Variants in CALB2 observed in about 807,000 individuals in gnomAD.
CALB2 encodes the protein calbindin 2, also known as calretinin.
A neutral mutation model predicts 45.9 loss-of-function variants in CALB2; 34 were observed. The observed-to-expected ratio is 0.74, with a 90% CI of 0.56 to 0.99. The LOEUF is 0.99. CALB2 is among the 50% of genes least tolerant of loss of function. The probability of loss-of-function intolerance (pLI) is 0.00; values close to 1 mark genes in which losing one functional copy is unlikely to be tolerated. For synonymous variants in CALB2, 142 were observed against 129.6 expected, an observed-to-expected ratio of 1.10 and a Z score of -0.65; for missense variants, 344 against 339.3, an observed-to-expected ratio of 1.01 and a Z score of -0.11.
chr16:71,376,992 A>G (rs530353389), intron 3 of CALB2, among the ~76,000 whole-genome samples: 1 of 152,296 alleles, frequency 6.6e-6, no homozygotes, highest in African/African-American at 2.4e-5. Context: ...CTGTAAGCCA[A>G]TCACTGGCAA....
At chr16:71,370,757 T>C (rs555036865) in intron 1 of CALB2, among the ~76,000 whole-genome samples, 1 of 152,194 alleles carries the variant, frequency 6.6e-6, no homozygotes, top group African/African-American at 2.4e-5. Context: ...CCCCAGGAGA[T>C]TCTTTGCCAC....
chr16:71,383,560 T>C, intron 6 of CALB2, 116 bp downstream of exon 6: 1 of 914,280 alleles, frequency 1.1e-6, no homozygotes, highest in South Asian at 1.6e-5. Context: ...AGGGAAGTGA[T>C]TCACAGTGGC....
intron 1 of CALB2, 78 bp from the exon 2 acceptor site, chr16:71,372,075 C>G: frequency 3.0e-6 from 3 of 997,554 alleles, no homozygotes; most frequent in South Asian, 1.3e-5. Context: ...ACATTCTCCA[C>G]GAAGCCCCCG....
intron 1 of CALB2, among the ~76,000 whole-genome samples, chr16:71,370,316 GC>G (rs1420566692): frequency 7.9e-5 from 12 of 152,144 alleles, no homozygotes; most frequent in Non-Finnish European, 1.5e-4. Context: ...TTTCTCTGTT[GC>G]GTTTGTAATT....
At chr16:71,378,092 C>T (rs374151836) in intron 4 of CALB2, among the ~76,000 whole-genome samples, 34 of 152,094 alleles carry the variant, frequency 2.2e-4, no homozygotes, top group African/African-American at 4.8e-4. Context: ...GGCGTGGTGG[C>T]GGGCACCTGT....
intron 4 of CALB2, among the ~76,000 whole-genome samples, chr16:71,379,103 C>A (rs1212891012): frequency 6.6e-6 from 1 of 151,974 alleles, no homozygotes; most frequent in African/African-American, 2.4e-5. Context: ...ATGGAAAAAC[C>A]CCATCTTTAC....
Position 71,382,155 on chromosome 16 carries a change from AGAAAAT to A in CALB2, c.343-563_343-558del, listed in dbSNP as rs2042504913. Among the ~76,000 whole-genome samples the A allele has an allele frequency of 4.3e-3, 616 of 144,486 alleles. 5 individuals are homozygous for A. Among genetic ancestry groups the A allele is most frequent in the African/African-American group, 0.015 (571 of 38,376 alleles). 94.8% of individuals were successfully genotyped at this position (144,486 alleles called of 152,430 possible). A position where few individuals can be genotyped will look rare whatever the true frequency, so the allele number is the denominator to read the frequency against. On this transcript the variant is annotated intron_variant, in intron 4 of 10. Coordinates refer to ENST00000302628, the MANE Select transcript of CALB2 (RefSeq NM_001740.5). ...AGGAAGGAAAGAAGGAAGGAAGGAAAGAAAATAAAGGAAGGAAGGAACGAAAGAAAA... is the reference window on the plus strand; with the variant it reads ...AGGAAGGAAAGAAGGAAGGAAGGAAAAAAGGAAGGAAGGAACGAAAGAAAA...
chr16:71,360,890 G>A (rs776003564), intron 1 of CALB2, among the ~76,000 whole-genome samples: 46 of 152,254 alleles, frequency 3.0e-4, no homozygotes, highest in Non-Finnish European at 6.2e-4. Flanking sequence ...CTCCCACTCT[G>A]GTTCCTGAAC....
intron 1 of CALB2, among the ~76,000 whole-genome samples, chr16:71,367,182 A>G (rs2042296798): frequency 6.6e-6 from 1 of 152,186 alleles, no homozygotes; most frequent in South Asian, 2.1e-4. Flanking sequence ...TAGCAAGAGT[A>G]GAATAAGGAA....
At chr16:71,359,005 G>A in intron 1 of CALB2, 119 bp downstream of exon 1, 4 of 814,090 alleles carry the variant, frequency 4.9e-6, no homozygotes, top group South Asian at 3.4e-5. Flanking sequence ...TGGTCTGGTC[G>A]CAGAGCCTGC....
intron 4 of CALB2, among the ~76,000 whole-genome samples, chr16:71,379,944 T>C (rs1032514127): frequency 2.6e-5 from 4 of 152,234 alleles, no homozygotes; most frequent in South Asian, 2.1e-4. Context: ...TAATTGACAT[T>C]CTAGCTTCTG....
chr16:71,380,292 CTTTTTTTTTTTTTTTTTTTTTTTT>C (rs544138378), intron 4 of CALB2, among the ~76,000 whole-genome samples: 47 of 43,826 alleles, frequency 1.1e-3, no homozygotes, highest in African/African-American at 3.7e-3. Flanking sequence ...CCTTCCTTTT[CTTTTTTTTTTTTTTTTTTTTTTTT>C]TTTTTTTTTT....
chr16:71,385,465 C>T (rs1020989527), intron 9 of CALB2, 112 bp from the exon 10 acceptor site: 12 of 765,996 alleles, frequency 1.6e-5, no homozygotes, highest in African/African-American at 1.2e-4. Context: ...TCTGAACACC[C>T]CCTTTTGCAC....
rs1447467571 is a variant in CALB2, at chr16:71,366,022, C to CTTTTT, written c.95-6130_95-6129insTTTTT. Among the ~76,000 whole-genome samples the CTTTTT allele has an allele frequency of 5.5e-3, 278 of 50,484 alleles. 39 individuals carry two copies. Among genetic ancestry groups the CTTTTT allele is most frequent in the African/African-American group, 0.02 (203 of 9,918 alleles). The allele number at this position is 50,484 out of a possible 152,430, so 33.1% of individuals were successfully genotyped here. A position where few individuals can be genotyped will look rare whatever the true frequency, so the allele number is the denominator to read the frequency against. Reference sequence around the variant, plus strand: ...TTTCTTTGTTTTCTTCCCTCTCTCTCTCTTTTTTTTTTTTTTTTTTTTGAG... The same window carrying CTTTTT: ...TTTCTTTGTTTTCTTCCCTCTCTCTCTTTTTTCTTTTTTTTTTTTTTTTTTTTGAG... On this transcript the variant is annotated intron_variant, in intron 1 of 10. Transcript: ENST00000302628.
At chr16:71,366,079 T>A (rs1343160296) in intron 1 of CALB2, among the ~76,000 whole-genome samples, 1 of 127,968 alleles carries the variant, frequency 7.8e-6, no homozygotes, top group African/African-American at 2.9e-5. Flanking sequence ...CAGGCTGGAG[T>A]GCAGTGGCAG....
chr16:71,383,344 T>TA (rs1437674157), intron 5 of CALB2, 23 bp from the exon 6 acceptor site: 1 of 1,609,608 alleles, frequency 6.2e-7, no homozygotes, highest in Admixed American at 1.7e-5. Flanking sequence ...TCAGGAGTAC[T>TA]AAAGAGGCCT....
rs1007582371 is a variant in CALB2, at chr16:71,379,339, A to G, written c.342+1592A>G. On this transcript the variant is annotated intron_variant, in intron 4 of 10. Transcript: ENST00000302628. ...TAAAATTAGCATTCCCCTCTTGGCA[A>G]TATAATTTCCTTGAGATCTTCATGT... 1.3e-5 allele frequency among the ~76,000 whole-genome samples: 2 copies of G among 152,124 alleles called. 1 individual carries two copies. The highest frequency in any genetic ancestry group is 2.9e-5 in the Non-Finnish European group (2 of 68,030).
chr16:71,378,615 TC>T (rs1332881756), intron 4 of CALB2, among the ~76,000 whole-genome samples: 1 of 151,952 alleles, frequency 6.6e-6, no homozygotes, highest in African/African-American at 2.4e-5. Flanking sequence ...TTTAACAAGA[TC>T]CCCAGATGAT....
At chr16:71,367,259 G>A (rs1407201059) in intron 1 of CALB2, among the ~76,000 whole-genome samples, 1 of 152,216 alleles carries the variant, frequency 6.6e-6, no homozygotes, top group Non-Finnish European at 1.5e-5. Flanking sequence ...GGTTTGATAA[G>A]AAGTTAGAAG....
Sources: allele counts gnomAD v4.1 joint callset (sites outside exome capture counted in the v4.1 genomes callset), GRCh38; gene constraint gnomAD v4.1.1; transcripts MANE v1.5; gene names NCBI Gene and HGNC (gene_info 2026-07-23, HGNC 2026-07-21).